Variants in UNC5C observed in about 807,000 individuals in gnomAD.
UNC5C encodes netrin receptor UNC5C.
UNC5C carries 47 observed loss-of-function variants against 99.8 expected under a neutral mutation model. The ratio of observed to expected loss-of-function variants is 0.47; its 90% CI spans 0.37 to 0.60. The LOEUF is 0.60. Among genes scored for constraint, UNC5C ranks in the 20% least tolerant of loss-of-function variants. The pLI is 0.00. For synonymous variants in UNC5C, 487 were observed against 452.2 expected (o/e 1.08, Z -0.98); for missense variants, 1,062 against 1,165.9 (o/e 0.91, Z 1.30).
At chr4:95,407,262 G>T (rs1393410083) in intron 1 of UNC5C, among the ~76,000 whole-genome samples, 2 of 152,042 alleles carry the variant, frequency 1.3e-5, no homozygotes, top group Admixed American at 6.5e-5. Flanking sequence ...TGTTTTTTGG[G>T]ATACGAGGGC....
chr4:95,483,851 GTTC>G (rs1477468524), intron 1 of UNC5C, among the ~76,000 whole-genome samples: 1 of 151,836 alleles, frequency 6.6e-6, no homozygotes, highest in Non-Finnish European at 1.5e-5. Flanking sequence ...AGTTCCTCCA[GTTC>G]TTGAGGAATA....
rs1358252892 is a variant in UNC5C at position 95,164,110 on chromosome 4, G to A, written c.*5124C>T. ...GTTAAAGTAGCATTTATGAAAATGGGGTAAGCACAAGGCTGATAAAACTAA... is the reference window on the plus strand; with the variant it reads ...GTTAAAGTAGCATTTATGAAAATGGAGTAAGCACAAGGCTGATAAAACTAA... On this transcript the variant is annotated 3_prime_UTR_variant, in exon 16 of 16. Coordinates refer to ENST00000453304, the MANE Select transcript of UNC5C (RefSeq NM_003728.4). 1 of 152,074 alleles carries A rather than the reference G, an allele frequency of 6.6e-6. No homozygotes were observed. The highest frequency in any genetic ancestry group is 2.4e-5 in the African/African-American group (1 of 41,384). 9.4% of individuals were successfully genotyped at this position (152,074 alleles called of 1,614,324 possible). A position where few individuals can be genotyped will look rare whatever the true frequency, so the allele number is the denominator to read the frequency against.
At chr4:95,544,162 C>T (rs1722996583) in intron 1 of UNC5C, among the ~76,000 whole-genome samples, 1 of 152,104 alleles carries the variant, frequency 6.6e-6, no homozygotes, top group Non-Finnish European at 1.5e-5. Flanking sequence ...TATGAGGAAA[C>T]TAAGGCACGG....
At chr4:95,194,997 A>G (rs927444716) in intron 12 of UNC5C, among the ~76,000 whole-genome samples, 4 of 152,184 alleles carry the variant, frequency 2.6e-5, no homozygotes, top group African/African-American at 9.6e-5. Flanking sequence ...CTGTGACTAA[A>G]TGTCTAATCA....
At chr4:95,212,933 C>T (rs995837062) in intron 10 of UNC5C, among the ~76,000 whole-genome samples, 1 of 152,234 alleles carries the variant, frequency 6.6e-6, no homozygotes, top group African/African-American at 2.4e-5. Context: ...TCCTCCTCCT[C>T]CTCTCTCCTC....
chr4:95,481,424 G>C, intron 1 of UNC5C, among the ~76,000 whole-genome samples: 1 of 151,852 alleles, frequency 6.6e-6, no homozygotes. Flanking sequence ...CGTGAAAATG[G>C]CCATACTGCC....
At chr4:95,289,882 G>A (rs888757045) in intron 3 of UNC5C, among the ~76,000 whole-genome samples, 7 of 152,136 alleles carry the variant, frequency 4.6e-5, no homozygotes, top group Non-Finnish European at 1.0e-4. Flanking sequence ...GCCCTGAAAT[G>A]TTAGCTATGG....
rs756850221 is a variant in UNC5C, at chr4:95,219,083, C to G, written c.1531G>C (p.Glu511Gln). The change falls in exon 9 of 16, where the codon GAG becomes CAG. Residue 511 changes from glutamate to glutamine, a missense_variant. Coordinates refer to ENST00000453304, the MANE Select transcript of UNC5C (RefSeq NM_003728.4). ...TTCTTCAGGCTGAGGGCTTCATTCT[C>G]CAACAACGACTGGGTCATCTGAGGG... is the stretch of plus-strand genomic sequence containing the variant. ...LSPQMTQSLL[E>Q]NEALSLKNQS... 4.3e-6 allele frequency: 7 copies of G among 1,613,998 alleles called. No homozygotes were observed. The African/African-American group carries it at 9.3e-5, about 22-fold the overall frequency.
intron 1 of UNC5C, among the ~76,000 whole-genome samples, chr4:95,403,883 G>T (rs1244427576): frequency 6.6e-6 from 1 of 152,160 alleles, no homozygotes; most frequent in African/African-American, 2.4e-5. Context: ...GCTCACAGAT[G>T]GATCGTTTTC....
At chr4:95,234,723 A>C (rs892408108) in intron 7 of UNC5C, among the ~76,000 whole-genome samples, 11 of 152,146 alleles carry the variant, frequency 7.2e-5, no homozygotes, top group African/African-American at 2.7e-4. Flanking sequence ...CAAGGCATTG[A>C]TTATCTCCAG....
At chr4:95,478,074 G>T (rs908320759) in intron 1 of UNC5C, among the ~76,000 whole-genome samples, 2 of 151,856 alleles carry the variant, frequency 1.3e-5, no homozygotes, top group African/African-American at 4.8e-5. Context: ...AGGTTTTTTA[G>T]CTCACTCCTA....
At chr4:95,330,757 T>G (rs1488771099) in intron 2 of UNC5C, among the ~76,000 whole-genome samples, 1 of 152,132 alleles carries the variant, frequency 6.6e-6, no homozygotes, top group South Asian at 2.1e-4. Flanking sequence ...GCTAGTAGAT[T>G]AGAATAATAC....
chr4:95,352,897 A>G (rs1285423901), intron 1 of UNC5C, among the ~76,000 whole-genome samples: 1 of 152,122 alleles, frequency 6.6e-6, no homozygotes, highest in African/African-American at 2.4e-5. Flanking sequence ...ACATCATTAC[A>G]TTAGCATTCC....
At chr4:95,393,793 CAG>C (rs1417919945) in intron 1 of UNC5C, among the ~76,000 whole-genome samples, 4 of 151,176 alleles carry the variant, frequency 2.6e-5, no homozygotes, top group Non-Finnish European at 4.4e-5. Flanking sequence ...CCAAAAATTA[CAG>C]AGTTGCTTTC....
At chr4:95,233,161 T>C (rs956265701) in intron 7 of UNC5C, among the ~76,000 whole-genome samples, 25 of 152,230 alleles carry the variant, frequency 1.6e-4, no homozygotes, top group Admixed American at 1.4e-3. Flanking sequence ...TGCCACTTCC[T>C]CTGTACTTCT....
intron 1 of UNC5C, among the ~76,000 whole-genome samples, chr4:95,395,447 G>A (rs1463401335): frequency 6.6e-6 from 1 of 152,100 alleles, no homozygotes; most frequent in Non-Finnish European, 1.5e-5. Context: ...AATAGTGCTT[G>A]AGAGGAATTT....
chr4:95,276,834 A>C (rs1740879916), intron 4 of UNC5C, among the ~76,000 whole-genome samples: 1 of 152,090 alleles, frequency 6.6e-6, no homozygotes, highest in South Asian at 2.1e-4. Context: ...AAATTAAGGC[A>C]AAAAAATAAC....
intron 1 of UNC5C, among the ~76,000 whole-genome samples, chr4:95,485,717 G>T (rs967140020): frequency 6.6e-6 from 1 of 151,674 alleles, no homozygotes; most frequent in African/African-American, 2.4e-5. Flanking sequence ...AAGATAAGTT[G>T]TTTTGATCAA....
At chr4:95,444,955 G>A (rs964115118) in intron 1 of UNC5C, among the ~76,000 whole-genome samples, 3 of 152,142 alleles carry the variant, frequency 2.0e-5, no homozygotes, top group Non-Finnish European at 4.4e-5. Context: ...TCCAATGGAA[G>A]CTTCATTGCA....
Sources: gnomAD v4.1 joint callset for allele counts (sites outside exome capture counted in the v4.1 genomes callset) on GRCh38, gnomAD v4.1.1 for gene constraint, MANE v1.5 for transcripts, NCBI Gene and HGNC (gene_info 2026-07-23, HGNC 2026-07-21) for gene names.